DYNLL2: variants seen among roughly 807,000 people sequenced by gnomAD.
The protein encoded by DYNLL2 is dynein light chain LC8-type 2, also known as dynein light chain 2, cytoplasmic.
A neutral mutation model predicts 9.7 loss-of-function variants in DYNLL2; 1 was observed. The ratio of observed to expected loss-of-function variants is 0.10; its 90% CI spans 0.04 to 0.49. DYNLL2 has a LOEUF of 0.49. Among genes scored for constraint, DYNLL2 ranks in the 20% least tolerant of loss-of-function variants. DYNLL2 has a pLI of 0.95. For missense variants in DYNLL2, 37 were observed against 115.2 expected, an observed-to-expected ratio of 0.32 and a Z score of 3.11; for synonymous variants, 35 against 40.5, an observed-to-expected ratio of 0.86 and a Z score of 0.52.
rs1173139281 is a variant in DYNLL2 at position 58,092,058 on chromosome 17, A to T, written c.*2779A>T. On this transcript the variant is annotated 3_prime_UTR_variant, in exon 3 of 3. Transcript: ENST00000579991. ...TGTTATCAAGGAAATGAACTGGGCA[A>T]TGAGCTATTGAGTGTTGGAGGTAGG... 2.0e-5 allele frequency: 3 copies of T among 152,214 alleles called. No homozygotes were observed. Among genetic ancestry groups the T allele is most frequent in the African/African-American group, 4.8e-5 (2 of 41,450 alleles). The allele number at this position is 152,214 out of a possible 1,614,324, so 9.4% of individuals were successfully genotyped here.
intron 1 of DYNLL2, among the ~76,000 whole-genome samples, chr17:58,086,129 C>T (rs1246104221): frequency 2.6e-5 from 4 of 152,204 alleles, no homozygotes; most frequent in African/African-American, 7.2e-5. Flanking sequence ...CCTTCCCACC[C>T]TCTCTACCTC....
At chr17:58,084,022 G>T (rs1307924890) in intron 1 of DYNLL2, among the ~76,000 whole-genome samples, 1 of 152,000 alleles carries the variant, frequency 6.6e-6, no homozygotes, top group Non-Finnish European at 1.5e-5. Flanking sequence ...CCGGGGAAGA[G>T]GGGGTGGAGA....
rs2075786736 is a variant in DYNLL2, at chr17:58,093,250, C to T, written c.*3971C>T. 6.6e-6 allele frequency: 1 copy of T among 152,186 alleles called. No homozygotes were observed. The highest frequency in any genetic ancestry group is 2.4e-5 in the African/African-American group (1 of 41,420). 9.4% of individuals were successfully genotyped at this position (152,186 alleles called of 1,614,324 possible). On this transcript the variant is annotated 3_prime_UTR_variant, in exon 3 of 3. Coordinates refer to ENST00000579991, the MANE Select transcript of DYNLL2 (RefSeq NM_080677.3). ...CCTTAGGCACGGCTCTCCTTGCTGC[C>T]CAAGCCTTGCCACCTTGAAAGGCGT...
intron 1 of DYNLL2, among the ~76,000 whole-genome samples, chr17:58,084,570 G>T (rs2075751466): frequency 6.6e-6 from 1 of 152,086 alleles, no homozygotes; most frequent in Non-Finnish European, 1.5e-5. Context: ...CCTGTGCTTT[G>T]CTTACCGGCA....
At chr17:58,087,432 G>C (rs2075764214) in intron 2 of DYNLL2, among the ~76,000 whole-genome samples, 1 of 152,068 alleles carries the variant, frequency 6.6e-6, no homozygotes, top group South Asian at 2.1e-4. Context: ...CCAGGTGTGT[G>C]TGTGTGTGTG....
chr17:58,083,781 C>A (rs1359839618), intron 1 of DYNLL2, 98 bp downstream of exon 1: 2 of 151,942 alleles, frequency 1.3e-5, no homozygotes, highest in East Asian at 3.9e-4. Context: ...CCTGCGGCCT[C>A]CTTAGCCGGC....
In DYNLL2 at chr17:58,094,214, G is replaced by A. The variant is rs1325913342; in HGVS notation, c.*4935G>A. On this transcript the variant is annotated 3_prime_UTR_variant, in exon 3 of 3. Coordinates refer to ENST00000579991, the MANE Select transcript of DYNLL2 (RefSeq NM_080677.3). ...CTCCAACACCCACTGGATGAACGTG[G>A]ACAAGCTGCTTGATCTCTCAGATCC... The A allele has an allele frequency of 6.6e-6, 1 of 152,178 alleles. No homozygotes were observed. The highest frequency in any genetic ancestry group is 2.4e-5 in the African/African-American group (1 of 41,428). 9.4% of individuals were successfully genotyped at this position (152,178 alleles called of 1,614,324 possible).
Position 58,083,432 on chromosome 17 carries a change from A to C in DYNLL2, c.-261A>C, listed in dbSNP as rs2075741729. 1.0e-5 allele frequency: 1 copy of C among 99,062 alleles called. No individual in the cohort carries two copies. The highest frequency in any genetic ancestry group is 3.6e-5 in the African/African-American group (1 of 27,912). The allele number at this position is 99,062 out of a possible 1,614,324, so 6.1% of individuals were successfully genotyped here. The stretch of plus-strand genomic sequence containing the variant: ...TCGGCCGCGCTCAGCGGCAGAGCGG[A>C]GCGGAGCTGTGAGGCGCCAGTGCGG... On this transcript the variant is annotated 5_prime_UTR_variant, in exon 1 of 3. Transcript: ENST00000579991.
chr17:58,085,124 A>G (rs1270318889), intron 1 of DYNLL2, among the ~76,000 whole-genome samples: 1 of 152,170 alleles, frequency 6.6e-6, no homozygotes, highest in Non-Finnish European at 1.5e-5. Context: ...TGAGGCTCTG[A>G]CTTTTCCTCT....
In DYNLL2 at chr17:58,083,511, C is replaced by T. The variant is rs1423433132; in HGVS notation, c.-182C>T. On this transcript the variant is annotated 5_prime_UTR_variant, in exon 1 of 3. Coordinates refer to ENST00000579991, the MANE Select transcript of DYNLL2 (RefSeq NM_080677.3). ...CGGAGCGCGGGCGGCCGGCGAAACT[C>T]CAAGGGCGGACCGCGGCAGGGAGCG... 5 of 152,684 alleles carry T rather than the reference C, an allele frequency of 3.3e-5. No individual in the cohort carries two copies. Among genetic ancestry groups the T allele is most frequent in the Non-Finnish European group, 5.8e-5 (4 of 68,448 alleles). The allele number at this position is 152,684 out of a possible 1,614,324, so 9.5% of individuals were successfully genotyped here.
intron 1 of DYNLL2, among the ~76,000 whole-genome samples, chr17:58,086,450 A>C (rs188446215): frequency 6.6e-6 from 1 of 152,242 alleles, no homozygotes; most frequent in Non-Finnish European, 1.5e-5. Context: ...AACTTCAGTT[A>C]ATCTTTACAA....
At chr17:58,087,732 T>C (rs1213712467) in intron 2 of DYNLL2, among the ~76,000 whole-genome samples, 1 of 152,144 alleles carries the variant, frequency 6.6e-6, no homozygotes, top group Non-Finnish European at 1.5e-5. Context: ...AAGAAAAGGG[T>C]GGGCTCAAAT....
rs946142299 is a variant in DYNLL2, at chr17:58,091,838, C to G, written c.*2559C>G. ...CAATTCTCTTGGAGGTGTTAGGGAG[C>G]CAGAGGTGCTTTGCCCTCTTTGTGT... On this transcript the variant is annotated 3_prime_UTR_variant, in exon 3 of 3. Coordinates refer to ENST00000579991, the MANE Select transcript of DYNLL2 (RefSeq NM_080677.3). The G allele has an allele frequency of 1.3e-5, 2 of 152,162 alleles. No homozygotes were observed. Among genetic ancestry groups the G allele is most frequent in the South Asian group, 4.1e-4 (2 of 4,824 alleles). 9.4% of individuals were successfully genotyped at this position (152,162 alleles called of 1,614,324 possible). A position where few individuals can be genotyped will look rare whatever the true frequency, so the allele number is the denominator to read the frequency against.
rs1411876229 is a variant in DYNLL2, at chr17:58,092,415, G to A, written c.*3136G>A. 6.6e-6 allele frequency: 1 copy of A among 152,236 alleles called. No individual in the cohort carries two copies. Among genetic ancestry groups the A allele is most frequent in the Admixed American group, 6.5e-5 (1 of 15,290 alleles). 9.4% of individuals were successfully genotyped at this position (152,236 alleles called of 1,614,324 possible). On this transcript the variant is annotated 3_prime_UTR_variant, in exon 3 of 3. Transcript: ENST00000579991. ...CTCATCTGGAAGACTAATCCTGCAGGGCTTCCTGGAGGAGATGAGCCTCCA... is the reference window on the plus strand; with the variant it reads ...CTCATCTGGAAGACTAATCCTGCAGAGCTTCCTGGAGGAGATGAGCCTCCA...
intron 2 of DYNLL2, 70 bp downstream of exon 2, chr17:58,087,292 C>G: frequency 6.3e-7 from 1 of 1,591,526 alleles, no homozygotes; most frequent in Non-Finnish European, 8.6e-7. Flanking sequence ...CCAGGGAGAT[C>G]TGGAGCTGGG....
At position 58,089,764 on chromosome 17, in the gene DYNLL2, G is replaced by A. The variant is rs1021353970; in HGVS notation, c.*485G>A. 1.5e-5 allele frequency: 6 copies of A among 401,120 alleles called. No individual in the cohort carries two copies. Among genetic ancestry groups the A allele is most frequent in the African/African-American group, 6.2e-5 (3 of 48,590 alleles). 24.8% of individuals were successfully genotyped at this position (401,120 alleles called of 1,614,324 possible). A position where few individuals can be genotyped will look rare whatever the true frequency, so the allele number is the denominator to read the frequency against. On this transcript the variant is annotated 3_prime_UTR_variant, in exon 3 of 3. Transcript: ENST00000579991. Reference sequence around the variant, plus strand: ...TGGGATTGTCAAGGAAAAAGGGGTAGGAAGGAAGGTGGAGGGATTGATCTA... The same window carrying A: ...TGGGATTGTCAAGGAAAAAGGGGTAAGAAGGAAGGTGGAGGGATTGATCTA...
Position 58,092,379 on chromosome 17 carries a change from G to A in DYNLL2, c.*3100G>A, listed in dbSNP as rs2075783157. 6.6e-6 allele frequency: 1 copy of A among 152,238 alleles called. No individual in the cohort carries two copies. The highest frequency in any genetic ancestry group is 1.5e-5 in the Non-Finnish European group (1 of 68,064). 9.4% of individuals were successfully genotyped at this position (152,238 alleles called of 1,614,324 possible). The stretch of plus-strand genomic sequence containing the variant: ...TGAACAACACATTCCTGCACAGGTA[G>A]GTGCACAGTGCTCATCTGGAAGACT... On this transcript the variant is annotated 3_prime_UTR_variant, in exon 3 of 3. Transcript: ENST00000579991.
At chr17:58,089,078 A>G in intron 2 of DYNLL2, 64 bp from the exon 3 acceptor site, 1 of 1,598,668 alleles carries the variant, frequency 6.3e-7, no homozygotes, top group Non-Finnish European at 8.6e-7. Flanking sequence ...AGAGACTCCC[A>G]TTCTGATTTC....
rs1423915559 is a variant in DYNLL2 at position 58,083,542 on chromosome 17, C to T, written c.-151C>T. ...GCGGACCGCGGCAGGGAGCGATCGG[C>T]CTCGGGCTGCGGGAGCCGGAGACCG... is the stretch of plus-strand genomic sequence containing the variant. On this transcript the variant is annotated 5_prime_UTR_variant, in exon 1 of 3. Coordinates refer to ENST00000579991, the MANE Select transcript of DYNLL2 (RefSeq NM_080677.3). 1 of 153,476 alleles carries T rather than the reference C, an allele frequency of 6.5e-6. No individual in the cohort carries two copies. The highest frequency in any genetic ancestry group is 1.5e-5 in the Non-Finnish European group (1 of 68,870). 9.5% of individuals were successfully genotyped at this position (153,476 alleles called of 1,614,324 possible). A position where few individuals can be genotyped will look rare whatever the true frequency, so the allele number is the denominator to read the frequency against.
Sources: allele counts gnomAD v4.1 joint callset (sites outside exome capture counted in the v4.1 genomes callset), GRCh38; gene constraint gnomAD v4.1.1; transcripts MANE v1.5; gene names NCBI Gene and HGNC (gene_info 2026-07-23, HGNC 2026-07-21).